SV2C: variants seen among roughly 807,000 people sequenced by gnomAD.
The protein encoded by SV2C is synaptic vesicle glycoprotein 2C, also known as solute carrier family 22 member B3.
Under a neutral mutation model 79.7 loss-of-function variants are expected in SV2C, and 49 were observed. That is an observed-to-expected ratio of 0.61 (90% CI 0.49 to 0.78). The LOEUF (loss-of-function observed/expected upper bound fraction) is 0.78, where lower values mean the gene tolerates loss of function less well. SV2C is among the 30% of genes least tolerant of loss of function. The pLI, the probability that SV2C is intolerant of heterozygous loss-of-function variation, is 0.00. For synonymous variants in SV2C, 334 were observed against 333.2 expected, an observed-to-expected ratio of 1.00 and a Z score of -0.03; for missense variants, 833 against 912.9, an observed-to-expected ratio of 0.91 and a Z score of 1.13.
chr5:76,131,530 A>AT, intron 1 of SV2C, 120 bp from the exon 2 acceptor site: 2 of 320,200 alleles, frequency 6.2e-6, no homozygotes, highest in East Asian at 5.1e-5. Context: ...AAAAAAAAAA[A>AT]GGAAAAACTA....
the SV2C span, among the ~76,000 whole-genome samples, chr5:75,937,845 A>G: frequency 6.6e-6 from 1 of 151,262 alleles, no homozygotes; most frequent in Non-Finnish European, 1.5e-5. Context: ...AACTTCATTT[A>G]TGTTCAATTT....
At chr5:75,851,005 T>G in the SV2C span, among the ~76,000 whole-genome samples, 1 of 152,212 alleles carries the variant, frequency 6.6e-6, no homozygotes, top group Non-Finnish European at 1.5e-5. Context: ...TTTCTCTTTT[T>G]GCTCTCCCCT....
At chr5:76,349,790 C>T (rs1372707810) in intron 12 of SV2C, among the ~76,000 whole-genome samples, 1 of 151,982 alleles carries the variant, frequency 6.6e-6, no homozygotes, top group Non-Finnish European at 1.5e-5. Flanking sequence ...CCACCTTGGC[C>T]TCCCAAAGTG....
chr5:76,225,029 G>C (rs375684038), intron 4 of SV2C, among the ~76,000 whole-genome samples: 1 of 152,142 alleles, frequency 6.6e-6, no homozygotes, highest in Admixed American at 6.5e-5. Flanking sequence ...ACTGGGTATG[G>C]CATCTTAGCC....
intron 1 of SV2C, among the ~76,000 whole-genome samples, chr5:76,122,740 T>G (rs995510374): frequency 6.6e-6 from 1 of 151,214 alleles, no homozygotes; most frequent in African/African-American, 2.4e-5. Flanking sequence ...AGAGGGAAAT[T>G]TATAGCACTA....
the SV2C span, among the ~76,000 whole-genome samples, chr5:76,012,348 G>A: frequency 4.6e-5 from 7 of 152,068 alleles, no homozygotes; most frequent in African/African-American, 1.2e-4. Flanking sequence ...TTTGCATTTC[G>A]CTAATGACCA....
At chr5:75,890,479 A>G in the SV2C span, among the ~76,000 whole-genome samples, 15 of 152,138 alleles carry the variant, frequency 9.9e-5, no homozygotes, top group Admixed American at 6.6e-4. Context: ...CCAAATGCCT[A>G]TACTCCTTAT....
the SV2C span, among the ~76,000 whole-genome samples, chr5:76,065,027 ATGT>A: frequency 6.6e-6 from 1 of 152,188 alleles, no homozygotes; most frequent in Non-Finnish European, 1.5e-5. Context: ...GTTGGTTTTG[ATGT>A]TGTTGATAGG....
chr5:75,994,492 A>G, the SV2C span, among the ~76,000 whole-genome samples: 35 of 152,218 alleles, frequency 2.3e-4, no homozygotes, highest in African/African-American at 8.2e-4. Context: ...ATAACCTTGA[A>G]CAAGTAACTG....
At chr5:75,957,789 C>G in the SV2C span, among the ~76,000 whole-genome samples, 5 of 152,010 alleles carry the variant, frequency 3.3e-5, no homozygotes, top group African/African-American at 1.2e-4. Flanking sequence ...GTTTCTAAGC[C>G]TCTGACAAAA....
chr5:76,144,823 A>AG (rs928404091), intron 2 of SV2C, among the ~76,000 whole-genome samples: 1 of 117,984 alleles, frequency 8.5e-6, no homozygotes, highest in East Asian at 2.5e-4. Flanking sequence ...GATTGATAGG[A>AG]GGTTTTTTTT....
chr5:76,274,220 G>A (rs1746956457), intron 4 of SV2C, among the ~76,000 whole-genome samples: 1 of 152,198 alleles, frequency 6.6e-6, no homozygotes. Context: ...GCAACTCTTT[G>A]AAAAGCTTTC....
chr5:76,029,463 C>T, the SV2C span, among the ~76,000 whole-genome samples: 1 of 149,694 alleles, frequency 6.7e-6, no homozygotes. Flanking sequence ...ATTGAATAGA[C>T]ATGAGGTGGG....
chr5:76,156,294 G>C (rs1012961084), intron 2 of SV2C, among the ~76,000 whole-genome samples: 1 of 152,162 alleles, frequency 6.6e-6, no homozygotes, highest in Non-Finnish European at 1.5e-5. Flanking sequence ...CATACCCAAG[G>C]CTACATCCCC....
At chr5:75,924,226 G>A in the SV2C span, among the ~76,000 whole-genome samples, 1 of 152,054 alleles carries the variant, frequency 6.6e-6, no homozygotes, top group African/African-American at 2.4e-5. Flanking sequence ...AAAGGCATAA[G>A]AGTGATATAC....
At chr5:76,061,268 T>TAAAAAAA in the SV2C span, among the ~76,000 whole-genome samples, 359 of 51,594 alleles carry the variant, frequency 7.0e-3, 12 homozygotes, top group African/African-American at 0.03. Flanking sequence ...CTTCAATTTG[T>TAAAAAAA]AAAAAAAAAA....
At chr5:76,281,334 A>G (rs1256757681) in intron 4 of SV2C, 1 of 365,008 alleles carries the variant, frequency 2.7e-6, no homozygotes, top group Non-Finnish European at 5.4e-6. Context: ...TTAAGATCTG[A>G]TTTAAAATTT....
the SV2C span, among the ~76,000 whole-genome samples, chr5:75,970,157 T>G: frequency 3.3e-5 from 5 of 151,904 alleles, no homozygotes; most frequent in African/African-American, 7.3e-5. Flanking sequence ...CAGAATCTCT[T>G]GGACACATTC....
intron 2 of SV2C, among the ~76,000 whole-genome samples, chr5:76,165,328 C>T (rs927164821): frequency 3.9e-5 from 6 of 152,138 alleles, no homozygotes; most frequent in Non-Finnish European, 7.4e-5. Flanking sequence ...ATTTGGATTT[C>T]ACCATTTTTT....
Sources: allele counts gnomAD v4.1 joint callset (sites outside exome capture counted in the v4.1 genomes callset), GRCh38; gene constraint gnomAD v4.1.1; transcripts MANE v1.5; gene names NCBI Gene and HGNC (gene_info 2026-07-23, HGNC 2026-07-21).